Variants in KDM4A observed in about 807,000 individuals in gnomAD.
KDM4A encodes the protein lysine-specific demethylase 4A.
Under a neutral mutation model 127.1 loss-of-function variants are expected in KDM4A, and 23 were observed. The observed-to-expected ratio is 0.18, with a 90% confidence interval of 0.13 to 0.26. The LOEUF (loss-of-function observed/expected upper bound fraction) is 0.26, where lower values mean the gene tolerates loss of function less well. KDM4A is among the 10% of genes least tolerant of loss of function. The probability of loss-of-function intolerance (pLI) is 1.00; values close to 1 mark genes in which losing one functional copy is unlikely to be tolerated. For synonymous variants in KDM4A, 443 were observed against 466.5 expected (o/e 0.95, Z 0.65); for missense variants, 890 against 1,329.1 (o/e 0.67, Z 5.14).
Position 43,697,924 on chromosome 1 carries a change from G to A in KDM4A, c.2752G>A (p.Glu918Lys), listed in dbSNP as rs772794056. The A allele has an allele frequency of 1.3e-6, 2 of 1,591,456 alleles. No individual in the cohort carries two copies. Among genetic ancestry groups the A allele is most frequent in the African/African-American group, 1.4e-5 (1 of 69,724 alleles). ...KHKNGRFYQC[E>K]VVRLTTETFY... ...TAAGAACGGGCGCTTCTACCAGTGT[G>A]AAGTGGTCAGGCTCACCACCGAGAC... The change falls in exon 19 of 22, where the codon GAA becomes AAA. Residue 918 changes from glutamate to lysine, a missense_variant. Coordinates refer to ENST00000372396, the MANE Select transcript of KDM4A (RefSeq NM_014663.3).
At chr1:43,663,270 C>T (rs148325502) in intron 5 of KDM4A, among the ~76,000 whole-genome samples, 183 bp downstream of exon 5, 22 of 152,242 alleles carry the variant, frequency 1.4e-4, no homozygotes, top group South Asian at 4.1e-4. Flanking sequence ...CTCTGGTGCT[C>T]GGACCACCTT....
chr1:43,664,834 T>G (rs189912740), intron 5 of KDM4A, among the ~76,000 whole-genome samples: 1 of 152,348 alleles, frequency 6.6e-6, no homozygotes, highest in African/African-American at 2.4e-5. Flanking sequence ...ATATACATTC[T>G]TAGGTCCTCT....
At chr1:43,650,708 T>TGCATCATC in intron 1 of KDM4A, 1 of 152,424 alleles carries the variant, frequency 6.6e-6, no homozygotes, top group Admixed American at 6.5e-5. Flanking sequence ...GTGCTTCGCT[T>TGCATCATC]GCATCATCTG....
At chr1:43,659,891 G>A (rs915217667) in intron 3 of KDM4A, among the ~76,000 whole-genome samples, 2 of 152,196 alleles carry the variant, frequency 1.3e-5, no homozygotes, top group Non-Finnish European at 2.9e-5. Flanking sequence ...GGTGAATGCT[G>A]TTGGAAAGCC....
At chr1:43,659,699 G>A (rs1309352360) in intron 3 of KDM4A, among the ~76,000 whole-genome samples, 1 of 152,208 alleles carries the variant, frequency 6.6e-6, no homozygotes, top group Non-Finnish European at 1.5e-5. Flanking sequence ...TTCCTAATTG[G>A]AATATTGGAT....
rs749971537 is a variant in KDM4A at position 43,683,774 on chromosome 1, C to A, written c.1825C>A (p.Leu609Ile). 6.2e-7 allele frequency: 1 copy of A among 1,614,176 alleles called. No homozygotes were observed. The highest frequency in any genetic ancestry group is 8.5e-7 in the Non-Finnish European group (1 of 1,180,028). ...PLSKLPRHHP[L>I]VLQECVSDDE... ...AAGCAAGCTCCCCCGCCATCACCCA[C>A]TTGTGCTGCAGGAGTGTGTCAGTGA... The change falls in exon 12 of 22, where the codon CTT becomes ATT. Residue 609 changes from leucine (L) to isoleucine (I), a missense_variant. Physicochemically the swap from Leu to Ile is conservative, Grantham distance 5 (BLOSUM62 2). Transcript: ENST00000372396.
chr1:43,695,016 ATGAGT>A (rs1231499134), intron 18 of KDM4A, 122 bp downstream of exon 18: 1 of 974,162 alleles, frequency 1.0e-6, no homozygotes, highest in African/African-American at 1.6e-5. Context: ...AAGAGTGCTA[ATGAGT>A]TAAGAGATTG....
intron 8 of KDM4A, 102 bp from the exon 9 acceptor site, chr1:43,667,670 A>G (rs1048851398): frequency 4.1e-6 from 6 of 1,474,864 alleles, no homozygotes; most frequent in African/African-American, 1.4e-5. Flanking sequence ...GTTATAAACC[A>G]TCTTGCACTT....
At chr1:43,668,463 G>GGAGT (rs1281694711) in intron 9 of KDM4A, among the ~76,000 whole-genome samples, 3 of 152,140 alleles carry the variant, frequency 2.0e-5, no homozygotes, top group Admixed American at 2.0e-4. Context: ...CTTGGCTAAG[G>GGAGT]GAGTGTTCTT....
At position 43,694,952 on chromosome 1, in the gene KDM4A, C is replaced by G; in HGVS notation, c.2670+58C>G. The G allele has an allele frequency of 6.8e-7, 1 of 1,462,162 alleles. No homozygotes were observed. 90.6% of individuals were successfully genotyped at this position (1,462,162 alleles called of 1,614,324 possible). A position where few individuals can be genotyped will look rare whatever the true frequency, so the allele number is the denominator to read the frequency against. On this transcript the variant is annotated intron_variant, in intron 18 of 21. Transcript: ENST00000372396. The surrounding 1 kb of genome is among the most constrained non-coding windows in gnomAD (Gnocchi z 5.2). ...ACAGTTTTCATGGTCATTTTCTCTG[C>G]ATGTTTTCCATTTGTTGTATCAGCA...
At chr1:43,685,491 G>A (rs72883063) in intron 12 of KDM4A, among the ~76,000 whole-genome samples, 3,954 of 151,702 alleles carry the variant, frequency 0.026, 184 homozygotes, top group African/African-American at 0.091. Flanking sequence ...TGGTATAGCC[G>A]GGCGTGGTGG....
At chr1:43,697,115 A>G (rs1462020452) in intron 18 of KDM4A, among the ~76,000 whole-genome samples, 1 of 152,240 alleles carries the variant, frequency 6.6e-6, no homozygotes, top group Non-Finnish European at 1.5e-5. Flanking sequence ...GGGGAATGGC[A>G]TCTCAGGTAG....
chr1:43,694,346 G>A lies in KDM4A; in HGVS notation c.2484+244G>A, dbSNP rs192574103. 6.6e-5 allele frequency among the ~76,000 whole-genome samples: 10 copies of A among 152,000 alleles called. No individual in the cohort carries two copies. Among genetic ancestry groups the A allele is most frequent in the East Asian group, 5.8e-4 (3 of 5,156 alleles). ...AGCCTGGGCAACATGGTGAAACCCC[G>A]ACTCTACTAAAAATATAAAATTAGC... On this transcript the variant is annotated intron_variant, in intron 17 of 21. Transcript: ENST00000372396. The surrounding 1 kb of genome is among the most constrained non-coding windows in gnomAD (Gnocchi z 5.2).
chr1:43,655,467 G>A, intron 2 of KDM4A, 124 bp from the exon 3 acceptor site: 1 of 820,146 alleles, frequency 1.2e-6, no homozygotes, highest in South Asian at 1.9e-5. Flanking sequence ...GGTGAATGTG[G>A]GTAAATCAAA....
intron 18 of KDM4A, among the ~76,000 whole-genome samples, chr1:43,696,218 A>T (rs1177743577): frequency 6.6e-6 from 1 of 152,198 alleles, no homozygotes; most frequent in African/African-American, 2.4e-5. Context: ...CCAACAGAGA[A>T]GGCAGGGCTG....
intron 13 of KDM4A, 95 bp from the exon 14 acceptor site, chr1:43,690,750 C>T (rs772133154): frequency 2.9e-5 from 33 of 1,149,768 alleles, no homozygotes; most frequent in Middle Eastern, 1.9e-4. Flanking sequence ...ATAGTCAGAT[C>T]GGTAAGAGAG....
Position 43,689,028 on chromosome 1 carries a change from TCAATGAGACCATGGCCCAACAGGCCC to T in KDM4A, c.1972_1997del (p.Asn658SerfsTer15). 1 of 1,614,246 alleles carries T rather than the reference TCAATGAGACCATGGCCCAACAGGCCC, an allele frequency of 6.2e-7. No homozygotes were observed. Among genetic ancestry groups the T allele is most frequent in the Non-Finnish European group, 8.5e-7 (1 of 1,180,038 alleles). On this transcript the variant is annotated frameshift_variant, in exon 13 of 22. Coordinates refer to ENST00000372396, the MANE Select transcript of KDM4A (RefSeq NM_014663.3). LOFTEE classifies it high-confidence loss of function. ...CCAAACTTTGAGGCTGAGAAGGAAT[TCAATGAGACCATGGCCCAACAGGCCC>T]CTCACTGCGCTGTCTGTATGATCTT...
chr1:43,690,772 C>A, intron 13 of KDM4A, 73 bp from the exon 14 acceptor site: 1 of 1,380,402 alleles, frequency 7.2e-7, no homozygotes, highest in Non-Finnish European at 1.0e-6. Flanking sequence ...CAGCTTTCTG[C>A]TGATAGAGCA....
intron 11 of KDM4A, among the ~76,000 whole-genome samples, chr1:43,676,360 C>A (rs761437226): frequency 2.0e-5 from 3 of 152,096 alleles, no homozygotes; most frequent in African/African-American, 7.2e-5. Context: ...CTTGCTCTGT[C>A]GCCCAGGCTG....
Sources: gnomAD v4.1 joint callset for allele counts (sites outside exome capture counted in the v4.1 genomes callset) on GRCh38, gnomAD v4.1.1 for gene constraint, Gnocchi (gnomAD v3.1) non-coding constraint, MANE v1.5 for transcripts, NCBI Gene and HGNC (gene_info 2026-07-23, HGNC 2026-07-21) for gene names.